The following OR2T2 variants were observed in gnomAD, a reference collection of about 807,000 sequenced individuals.
OR2T2 encodes the protein olfactory receptor family 2 subfamily T member 2.
For synonymous variants in OR2T2, 50 were observed against 162.7 expected (o/e 0.31, Z 5.27); for missense variants, 138 against 409.1 (o/e 0.34, Z 5.72).
intron 2 of OR2T2, among the ~76,000 whole-genome samples, chr1:248,450,630 TTG>T (rs1194540340): frequency 1.7e-4 from 26 of 152,346 alleles, no homozygotes; most frequent in Admixed American, 5.2e-4. Context: ...TCATTTTCGT[TTG>T]TCTCATTCTT....
chr1:248,446,388 A>G (rs1488972717), intron 1 of OR2T2, among the ~76,000 whole-genome samples: 1 of 145,004 alleles, frequency 6.9e-6, no homozygotes, highest in Non-Finnish European at 1.5e-5. Flanking sequence ...CATTGTGTTT[A>G]TAGTTGCAGG....
exon 3 of OR2T2, chr1:248,453,842 G>T: frequency 2.4e-6 from 2 of 845,696 alleles, no homozygotes; most frequent in South Asian, 2.8e-5. Flanking sequence ...CAGAGCATCA[G>T]GGGTGGTGAC....
chr1:248,449,656 C>CATTCCTGCCAGATGATTATG (rs1662745135), intron 2 of OR2T2, among the ~76,000 whole-genome samples: 1 of 133,548 alleles, frequency 7.5e-6, no homozygotes. Flanking sequence ...CCCACCCTCC[C>CATTCCTGCCAGATGATTATG]ATTCCTGCCA....
exon 3 of OR2T2, chr1:248,454,974 TATTCTC>T (rs1662902494): frequency 1.3e-5 from 2 of 148,214 alleles, no homozygotes; most frequent in South Asian, 4.2e-4. Context: ...TCAATTTTCT[TATTCTC>T]AACATCTTCA....
At chr1:248,450,430 T>C (rs1176920238) in intron 2 of OR2T2, among the ~76,000 whole-genome samples, 1 of 147,188 alleles carries the variant, frequency 6.8e-6, no homozygotes, top group African/African-American at 2.7e-5. Flanking sequence ...GCTTTTTTAC[T>C]CTCCTCTTCT....
intron 2 of OR2T2, among the ~76,000 whole-genome samples, chr1:248,448,100 T>C (rs114159392): frequency 0.14 from 15,055 of 106,244 alleles, 283 homozygotes; most frequent in East Asian, 0.27. Context: ...TCTTAATGGC[T>C]CCAAAGAGAT....
intron 2 of OR2T2, among the ~76,000 whole-genome samples, chr1:248,447,137 C>T (rs1044583510): frequency 6.6e-6 from 1 of 151,808 alleles, no homozygotes; most frequent in South Asian, 2.1e-4. Context: ...AAATTCACAT[C>T]ATTGGATACT....
intron 2 of OR2T2, among the ~76,000 whole-genome samples, chr1:248,450,779 C>CA (rs1662780267): frequency 2.0e-5 from 3 of 147,786 alleles, no homozygotes; most frequent in African/African-American, 7.8e-5. Flanking sequence ...TTACTGTCTG[C>CA]GAGATTAATA....
chr1:248,453,071 A>T (rs747722466), exon 3 of OR2T2: 2 of 1,613,110 alleles, frequency 1.2e-6, no homozygotes, highest in Non-Finnish European at 8.5e-7. Flanking sequence ...CAAGGACAAG[A>T]CCATTTCCTT....
At chr1:248,446,046 G>C (rs111707733) in intron 1 of OR2T2, among the ~76,000 whole-genome samples, 6,297 of 137,558 alleles carry the variant, frequency 0.046, 132 homozygotes, top group East Asian at 0.11. Context: ...GATAAGCATA[G>C]ATTGCCCTCT....
intron 1 of OR2T2, among the ~76,000 whole-genome samples, chr1:248,445,883 G>A (rs1393517202): frequency 1.3e-5 from 2 of 150,260 alleles, no homozygotes; most frequent in Admixed American, 6.6e-5. Flanking sequence ...AGCATGAAAC[G>A]TGGGAAGCTA....
exon 3 of OR2T2, chr1:248,453,272 A>T (rs770331088): frequency 6.3e-7 from 1 of 1,594,638 alleles, no homozygotes; most frequent in African/African-American, 1.4e-5. Context: ...GGATGGGTTC[A>T]TGCTGACTCC....
chr1:248,448,137 T>A (rs1193576966), intron 2 of OR2T2, among the ~76,000 whole-genome samples: 2 of 151,450 alleles, frequency 1.3e-5, no homozygotes, highest in Non-Finnish European at 2.9e-5. Context: ...GCGATTTAGA[T>A]GTGCCAAAGA....
intron 2 of OR2T2, among the ~76,000 whole-genome samples, chr1:248,449,830 T>TTTTC (rs1262720395): frequency 2.4e-5 from 3 of 123,482 alleles, no homozygotes; most frequent in African/African-American, 1.4e-4. Flanking sequence ...TTCTTTTTCT[T>TTTTC]TTTTTTTTTT....
At chr1:248,453,024 G>A in exon 3 of OR2T2, 5 of 1,613,384 alleles carry the variant, frequency 3.1e-6, no homozygotes, top group Non-Finnish European at 4.2e-6. Context: ...ATCTACATCT[G>A]TATCACTGTC....
intron 1 of OR2T2, among the ~76,000 whole-genome samples, chr1:248,446,376 T>C (rs1558337105): frequency 6.9e-6 from 1 of 144,882 alleles, no homozygotes; most frequent in Admixed American, 6.7e-5. Flanking sequence ...TAATAATGAG[T>C]GCATTGTGTT....
At chr1:248,447,149 C>T (rs1173276195) in intron 2 of OR2T2, among the ~76,000 whole-genome samples, 1 of 151,626 alleles carries the variant, frequency 6.6e-6, no homozygotes, top group South Asian at 2.1e-4. Flanking sequence ...TTGGATACTA[C>T]GTTGCTGTGG....
exon 3 of OR2T2, chr1:248,454,985 T>A (rs1276778593): frequency 6.7e-6 from 1 of 149,842 alleles, no homozygotes; most frequent in Non-Finnish European, 1.5e-5. Flanking sequence ...ATTCTCAACA[T>A]CTTCATTGAT....
At chr1:248,453,330 T>C in exon 3 of OR2T2, 1 of 1,574,994 alleles carries the variant, frequency 6.3e-7, no homozygotes, top group African/African-American at 1.4e-5. Context: ...ATCAATCACT[T>C]TTTCTGTGAG....
Sources: allele counts gnomAD v4.1 joint callset (sites outside exome capture counted in the v4.1 genomes callset), GRCh38; gene constraint gnomAD v4.1.1; transcripts MANE v1.5; gene names NCBI Gene and HGNC (gene_info 2026-07-23, HGNC 2026-07-21).